GTF3C4: variants seen among roughly 807,000 people sequenced by gnomAD.
The protein encoded by GTF3C4 is general transcription factor 3C polypeptide 4.
GTF3C4 carries 28 observed loss-of-function variants against 67.5 expected under a neutral mutation model. The ratio of observed to expected loss-of-function variants is 0.41; its 90% CI spans 0.31 to 0.57. The LOEUF (loss-of-function observed/expected upper bound fraction) is 0.57. GTF3C4 is among the 20% of genes least tolerant of loss of function. The pLI is 0.21. For synonymous variants in GTF3C4, 409 were observed against 393.0 expected (o/e 1.04, Z -0.48); for missense variants, 831 against 1,033.2 (o/e 0.80, Z 2.68).
At position 132,675,345 on chromosome 9, in the gene GTF3C4, G is replaced by A. The variant is rs1284388123; in HGVS notation, c.358-2632G>A. ...CTGCCTGTAGAAAGCACCGGGCTTT[G>A]ATTAGCATTGTTTTATTTCCAAGCC... On this transcript the variant is annotated intron_variant, in intron 1 of 4. Transcript: ENST00000372146. Among the ~76,000 whole-genome samples the A allele has an allele frequency of 3.3e-5, 5 of 152,118 alleles. No homozygotes were observed. The East Asian group carries it at 9.6e-4, about 29-fold the overall frequency.
At chr9:132,686,910 A>G (rs769956965) in intron 3 of GTF3C4, among the ~76,000 whole-genome samples, 2 of 152,210 alleles carry the variant, frequency 1.3e-5, no homozygotes, top group Non-Finnish European at 2.9e-5. Flanking sequence ...AATAATTCTC[A>G]ATATAATACA....
intron 1 of GTF3C4, 50 bp downstream of exon 1, chr9:132,671,005 G>C (rs1246792749): frequency 3.1e-6 from 4 of 1,287,602 alleles, no homozygotes; most frequent in Admixed American, 3.4e-5. Context: ...CCCCTCTCGC[G>C]GCCGCATCAT....
At chr9:132,670,194 G>T (rs1274397243), upstream of GTF3C4, 11 of 1,582,618 alleles carry the variant, frequency 7.0e-6, no homozygotes, top group Non-Finnish European at 9.5e-6. Flanking sequence ...ATTCGGCCGA[G>T]AGTTCACGCT....
chr9:132,690,855 T>C lies in GTF3C4; in HGVS notation c.*1910T>C, dbSNP rs1836105246. Reference sequence around the variant, plus strand: ...TGCAGTTTTAATCATTATGGCATAGTTTCACTTCCCCTCCCCCCATTAGAA... The same window carrying C: ...TGCAGTTTTAATCATTATGGCATAGCTTCACTTCCCCTCCCCCCATTAGAA... On this transcript the variant is annotated 3_prime_UTR_variant, in exon 5 of 5. Transcript: ENST00000372146. 6.6e-6 allele frequency: 1 copy of C among 152,182 alleles called. No individual in the cohort carries two copies. Among genetic ancestry groups the C allele is most frequent in the Non-Finnish European group, 1.5e-5 (1 of 68,014 alleles). 9.4% of individuals were successfully genotyped at this position (152,182 alleles called of 1,614,324 possible).
rs1279278284 is a variant in GTF3C4, at chr9:132,679,857, G to A, written c.2184+54G>A. ...ATTGTAAAGCCTGCTTTCTTCATGA[G>A]AAAGAAATGACCTAAATTGAGTTCC... On this transcript the variant is annotated intron_variant, in intron 2 of 4. Transcript: ENST00000372146. This position sits in a 1 kb window ranked among gnomAD's most constrained non-coding sequence, Gnocchi z 5.9. The A allele has an allele frequency of 2.0e-6, 3 of 1,472,458 alleles. No homozygotes were observed. The highest frequency in any genetic ancestry group is 4.5e-5 in the Admixed American group (2 of 44,328). The allele number at this position is 1,472,458 out of a possible 1,614,324, so 91.2% of individuals were successfully genotyped here.
chr9:132,682,213 T>C (rs1196240792), intron 2 of GTF3C4, among the ~76,000 whole-genome samples: 1 of 152,154 alleles, frequency 6.6e-6, no homozygotes, highest in Non-Finnish European at 1.5e-5. Flanking sequence ...GTGAGTTTGG[T>C]CATCTTTGCT....
chr9:132,670,984 C>A (rs758975909), intron 1 of GTF3C4, 29 bp downstream of exon 1: 187 of 1,446,936 alleles, frequency 1.3e-4, no homozygotes, highest in East Asian at 1.2e-3. Context: ...TCCCTGGGGT[C>A]TTCCCCTGTC....
intron 3 of GTF3C4, among the ~76,000 whole-genome samples, chr9:132,685,244 C>T (rs1836007499): frequency 6.6e-6 from 1 of 151,922 alleles, no homozygotes; most frequent in African/African-American, 2.4e-5. Context: ...TGGTCTTGAA[C>T]TCCTGGGCTC....
upstream of GTF3C4, chr9:132,670,355 G>A (rs1835676220): frequency 6.5e-6 from 9 of 1,383,418 alleles, no homozygotes; most frequent in Non-Finnish European, 7.6e-6. Context: ...TCAATCCCTG[G>A]GCAGGGAAAA....
In GTF3C4 at chr9:132,694,099, A is replaced by G. The variant is rs935000136; in HGVS notation, c.*5154A>G. On this transcript the variant is annotated 3_prime_UTR_variant, in exon 5 of 5. Coordinates refer to ENST00000372146, the MANE Select transcript of GTF3C4 (RefSeq NM_012204.4). ...ACCATCTGATTAGGTGGAATGTTTT[A>G]TAGACTTTTGGTGTTGAAAAAAAAA... is the stretch of plus-strand genomic sequence containing the variant. 1 of 152,114 alleles carries G rather than the reference A, an allele frequency of 6.6e-6. No homozygotes were observed. The highest frequency in any genetic ancestry group is 1.9e-4 in the East Asian group (1 of 5,192). The allele number at this position is 152,114 out of a possible 1,614,324, so 9.4% of individuals were successfully genotyped here. A position where few individuals can be genotyped will look rare whatever the true frequency, so the allele number is the denominator to read the frequency against.
chr9:132,677,840 C>T, intron 1 of GTF3C4, 137 bp from the exon 2 acceptor site: 1 of 700,378 alleles, frequency 1.4e-6, no homozygotes, highest in Non-Finnish European at 2.4e-6. Flanking sequence ...GAATCAAGTA[C>T]ATCTCTCTTG....
intron 2 of GTF3C4, among the ~76,000 whole-genome samples, chr9:132,683,292 T>C (rs908039318): frequency 1.3e-5 from 2 of 152,186 alleles, no homozygotes; most frequent in Admixed American, 6.5e-5. Flanking sequence ...CAGAACAGTT[T>C]TCTCCTTAGT....
At position 132,678,529 on chromosome 9, in the gene GTF3C4, A is replaced by T. The variant is rs776754367; in HGVS notation, c.910A>T (p.Asn304Tyr). The change falls in exon 2 of 5, where the codon AAC (asparagine) becomes TAC (tyrosine). Residue 304 changes from asparagine to tyrosine, a missense_variant. Coordinates refer to ENST00000372146, the MANE Select transcript of GTF3C4 (RefSeq NM_012204.4). This position sits in a 1 kb window ranked among gnomAD's most constrained non-coding sequence, Gnocchi z 6.5. The stretch of plus-strand genomic sequence containing the variant: ...AGGAAAAGAATCCATCTCTTCATGC[A>T]ACACAATTGAGTCAGGAATCACCTC... ...FVGKESISSC[N>Y]TIESGITSPS... 2 of 1,614,226 alleles carry T rather than the reference A, an allele frequency of 1.2e-6. No individual in the cohort carries two copies. The highest frequency in any genetic ancestry group is 1.7e-6 in the Non-Finnish European group (2 of 1,180,032).
chr9:132,686,661 T>C (rs138509370), intron 3 of GTF3C4, among the ~76,000 whole-genome samples: 6 of 152,366 alleles, frequency 3.9e-5, no homozygotes, highest in African/African-American at 1.4e-4. Flanking sequence ...TGTCATTTTT[T>C]TGCACCATTA....
At chr9:132,673,436 C>T (rs927578535) in intron 1 of GTF3C4, among the ~76,000 whole-genome samples, 1 of 151,214 alleles carries the variant, frequency 6.6e-6, no homozygotes, top group Non-Finnish European at 1.5e-5. Context: ...TTAATATGCA[C>T]ATCACATAAA....
chr9:132,684,672 C>T (rs1251249855), intron 3 of GTF3C4, among the ~76,000 whole-genome samples: 3 of 152,152 alleles, frequency 2.0e-5, no homozygotes, highest in Non-Finnish European at 4.4e-5. Context: ...GTACGTGAGG[C>T]GCCCTCCACC....
At chr9:132,670,159 G>A (rs761378132), upstream of GTF3C4, 3 of 1,594,582 alleles carry the variant, frequency 1.9e-6, no homozygotes, top group South Asian at 3.3e-5. Flanking sequence ...CCCTCTCTGC[G>A]TCCCTCGCGG....
chr9:132,690,602 C>T lies in GTF3C4; in HGVS notation c.*1657C>T, dbSNP rs945844777. On this transcript the variant is annotated 3_prime_UTR_variant, in exon 5 of 5. Coordinates refer to ENST00000372146, the MANE Select transcript of GTF3C4 (RefSeq NM_012204.4). ...TTTCCTATTCAAATTGCTGTTTTGT[C>T]TCCTATGTTTAATCATGTATTTGCT... 1.5e-5 allele frequency: 2 copies of T among 137,502 alleles called. No individual in the cohort carries two copies. The highest frequency in any genetic ancestry group is 5.4e-5 in the African/African-American group (2 of 36,742). 8.5% of individuals were successfully genotyped at this position (137,502 alleles called of 1,614,324 possible).
chr9:132,683,747 C>T, intron 3 of GTF3C4, 54 bp downstream of exon 3: 3 of 1,546,380 alleles, frequency 1.9e-6, no homozygotes, highest in Non-Finnish European at 1.8e-6. Flanking sequence ...TTGTGTAGCA[C>T]AAACTACTGT....
Sources: allele counts gnomAD v4.1 joint callset (sites outside exome capture counted in the v4.1 genomes callset), GRCh38; gene constraint gnomAD v4.1.1; non-coding constraint Gnocchi (gnomAD v3.1); transcripts MANE v1.5; gene names NCBI Gene and HGNC (gene_info 2026-07-23, HGNC 2026-07-21).